TMEM131L: variants seen among roughly 807,000 people sequenced by gnomAD.
TMEM131L encodes the protein transmembrane 131 like.
Under a neutral mutation model 192.2 loss-of-function variants are expected in TMEM131L, and 54 were observed. That is an observed-to-expected ratio of 0.28 (90% CI 0.23 to 0.35). TMEM131L has a LOEUF of 0.35. TMEM131L is among the 10% of genes least tolerant of loss of function. The pLI is 1.00. For missense variants in TMEM131L, 1,888 were observed against 1,972.9 expected (o/e 0.96, Z 0.82); for synonymous variants, 701 against 704.9 (o/e 0.99, Z 0.09).
chr4:153,573,321 G>A (rs1490130132), intron 7 of TMEM131L, among the ~76,000 whole-genome samples: 7 of 152,224 alleles, frequency 4.6e-5, no homozygotes, highest in Non-Finnish European at 8.8e-5. Context: ...GTCAAGCGAC[G>A]GCAGCCTGCA....
At chr4:153,614,748 A>G (rs537457473) in intron 26 of TMEM131L, among the ~76,000 whole-genome samples, 2 of 152,292 alleles carry the variant, frequency 1.3e-5, no homozygotes, top group African/African-American at 4.8e-5. Flanking sequence ...GAGAGGGAAG[A>G]AGTGGATACC....
chr4:153,612,352 A>G lies in TMEM131L; in HGVS notation c.3519A>G (p.Thr1173=), dbSNP rs369183132. 2 of 1,599,574 alleles carry G rather than the reference A, an allele frequency of 1.3e-6. No individual in the cohort carries two copies. The highest frequency in any genetic ancestry group is 1.7e-6 in the Non-Finnish European group (2 of 1,175,708). The change falls in exon 26 of 35, where the codon ACA becomes ACG. Residue 1173 remains threonine (T), a synonymous_variant. Coordinates refer to ENST00000409959, the MANE Select transcript of TMEM131L (RefSeq NM_001131007.2). ...KPSSEKKIHK[T]SREDMFSEKQ... ...CTTCAGAAAAGAAGATTCACAAAACATCTAGAGAAGACATGTTTTCTGAGA... is the reference window on the plus strand; with the variant it reads ...CTTCAGAAAAGAAGATTCACAAAACGTCTAGAGAAGACATGTTTTCTGAGA...
chr4:153,480,963 C>T (rs559018071), intron 3 of TMEM131L, among the ~76,000 whole-genome samples: 13 of 152,302 alleles, frequency 8.5e-5, no homozygotes, highest in South Asian at 4.2e-4. Context: ...GTTCTCCTCA[C>T]GTCCATTTGT....
chr4:153,619,051 G>A (rs1252305715), intron 26 of TMEM131L, among the ~76,000 whole-genome samples: 2 of 152,096 alleles, frequency 1.3e-5, no homozygotes, highest in Non-Finnish European at 2.9e-5. Context: ...TGATGCTTCT[G>A]GTCACCGAGT....
In TMEM131L at chr4:153,603,834, G is replaced by A. The variant is rs1311986375; in HGVS notation, c.2822G>A (p.Gly941Asp). 1.2e-6 allele frequency: 2 copies of A among 1,606,576 alleles called. No individual in the cohort carries two copies. Among genetic ancestry groups the A allele is most frequent in the Non-Finnish European group, 1.7e-6 (2 of 1,177,768 alleles). The change falls in exon 25 of 35, where the codon GGC becomes GAC. Residue 941 changes from glycine to aspartate, a missense_variant. Physicochemically the swap from Gly to Asp is moderately conservative, Grantham distance 94. Transcript: ENST00000409959. The part of the protein sequence containing the change: ...SNCKNFLDTY[G>D]PSDKGRGKNC... ...TGCAAGAACTTTCTCGATACATATG[G>A]CCCCTCTGATAAAGGCAGGGGGAAG...
intron 7 of TMEM131L, among the ~76,000 whole-genome samples, chr4:153,575,622 TA>T: frequency 6.6e-6 from 1 of 152,210 alleles, no homozygotes; most frequent in East Asian, 1.9e-4. Flanking sequence ...GATAATACTT[TA>T]TATGAAATAA....
chr4:153,635,126 T>C (rs1030456917), intron 33 of TMEM131L, among the ~76,000 whole-genome samples: 5 of 152,204 alleles, frequency 3.3e-5, no homozygotes, highest in African/African-American at 1.2e-4. Flanking sequence ...CTTGACACTA[T>C]TTAGATATCT....
At chr4:153,617,246 G>T (rs903320629) in intron 26 of TMEM131L, among the ~76,000 whole-genome samples, 2 of 152,170 alleles carry the variant, frequency 1.3e-5, no homozygotes, top group Non-Finnish European at 2.9e-5. Flanking sequence ...TTCACCTTCT[G>T]CCATGATTGT....
At chr4:153,474,500 G>A (rs1321627712) in intron 3 of TMEM131L, among the ~76,000 whole-genome samples, 1 of 152,200 alleles carries the variant, frequency 6.6e-6, no homozygotes, top group Non-Finnish European at 1.5e-5. Flanking sequence ...GTGGTTTGTA[G>A]GATGGTGAGA....
Position 153,622,936 on chromosome 4 carries a change from A to G in TMEM131L, c.3898A>G (p.Lys1300Glu), listed in dbSNP as rs767881242. The stretch of plus-strand genomic sequence containing the variant: ...GAAGCCTGAGAAGAAATGTGTGGAC[A>G]AGTTCTGCTCCGATTCCAGCTCTGA... The part of the protein sequence containing the change: ...YQKPEKKCVD[K>E]FCSDSSSDCG... The change falls in exon 29 of 35, where the codon AAG becomes GAG. Residue 1300 changes from lysine to glutamate, a missense_variant. By Grantham distance (56) the Lys-to-Glu change is moderately conservative. Coordinates refer to ENST00000409959, the MANE Select transcript of TMEM131L (RefSeq NM_001131007.2). 2 of 1,614,238 alleles carry G rather than the reference A, an allele frequency of 1.2e-6. No homozygotes were observed. Among genetic ancestry groups the G allele is most frequent in the Middle Eastern group, 1.6e-4 (1 of 6,062 alleles).
In TMEM131L at chr4:153,545,290, C is replaced by CTTTTTTTTTTTTTTTTT. The variant is rs59852943; in HGVS notation, c.240-4768_240-4767insTTTTTTTTTTTTTTTTT. 1.1e-3 allele frequency among the ~76,000 whole-genome samples: 143 copies of CTTTTTTTTTTTTTTTTT among 132,290 alleles called. 8 individuals carry two copies. Among genetic ancestry groups the CTTTTTTTTTTTTTTTTT allele is most frequent in the East Asian group, 5.8e-3 (23 of 3,942 alleles). The allele number at this position is 132,290 out of a possible 152,430, so 86.8% of individuals were successfully genotyped here. On this transcript the variant is annotated intron_variant, in intron 3 of 34. Coordinates refer to ENST00000409959, the MANE Select transcript of TMEM131L (RefSeq NM_001131007.2). ...CTCTTGTATCAGCCACTTTTTCAAA[C>CTTTTTTTTTTTTTTTTT]TTTTTTTTTTTTTTTGAGATGGAGT...
At chr4:153,584,987 C>A in intron 12 of TMEM131L, 56 bp downstream of exon 12, 1 of 1,320,612 alleles carries the variant, frequency 7.6e-7, no homozygotes, top group East Asian at 2.3e-5. Flanking sequence ...TTGTTTTCCC[C>A]TCTAGAAATG....
In TMEM131L at chr4:153,632,740, G is replaced by A. The variant is rs1367666624; in HGVS notation, c.4230G>A (p.Leu1410=). The A allele has an allele frequency of 1.2e-6, 2 of 1,614,096 alleles. No individual in the cohort carries two copies. Among genetic ancestry groups the A allele is most frequent in the Middle Eastern group, 1.6e-4 (1 of 6,062 alleles). ...TAGGTCTTTACTCACCTGGAGACCT[G>A]TGGCCCACTCCGCCAGTGTGTGTGA... The part of the protein sequence containing the change: ...EDKGLYSPGD[L]WPTPPVCVTS... Residue 1410 remains leucine, a synonymous_variant, in exon 32 of 35, where the codon CTG becomes CTA. Coordinates refer to ENST00000409959, the MANE Select transcript of TMEM131L (RefSeq NM_001131007.2).
chr4:153,550,801 T>C (rs1452877893), intron 4 of TMEM131L, among the ~76,000 whole-genome samples: 2 of 152,236 alleles, frequency 1.3e-5, no homozygotes, highest in African/African-American at 4.8e-5. Context: ...CTTCTTGCTG[T>C]GCCTTCTGGA....
At position 153,613,792 on chromosome 4, in the gene TMEM131L, C is replaced by CT. The variant is rs771248162; in HGVS notation, c.3567+1393dup. 5.9e-5 allele frequency among the ~76,000 whole-genome samples: 9 copies of CT among 152,244 alleles called. No homozygotes were observed. The East Asian group carries it at 1.7e-3, about 29-fold the overall frequency. On this transcript the variant is annotated intron_variant, in intron 26 of 34. Coordinates refer to ENST00000409959, the MANE Select transcript of TMEM131L (RefSeq NM_001131007.2). ...AATTAATGGGAGACCCTAGTTATTT[C>CT]TGAGTGGTGGGATTTTGGATTATTT... is the stretch of plus-strand genomic sequence containing the variant.
intron 3 of TMEM131L, among the ~76,000 whole-genome samples, chr4:153,489,361 G>T (rs1219412772): frequency 1.3e-5 from 2 of 152,160 alleles, no homozygotes; most frequent in African/African-American, 4.8e-5. Flanking sequence ...TTTCTTCCCA[G>T]CTCATTGAAC....
At chr4:153,581,335 T>G (rs1216034930) in intron 8 of TMEM131L, 72 bp from the exon 9 acceptor site, 3 of 1,248,878 alleles carry the variant, frequency 2.4e-6, no homozygotes, top group Non-Finnish European at 2.2e-6. Context: ...GCTTCTCCTT[T>G]CCTCCATAGT....
intron 12 of TMEM131L, 120 bp downstream of exon 12, chr4:153,585,051 C>T: frequency 2.6e-6 from 2 of 760,612 alleles, no homozygotes; most frequent in Non-Finnish European, 4.4e-6. Context: ...CTGGCCTTGC[C>T]TCCCCTTGCC....
chr4:153,611,253 G>T (rs1239614112), intron 25 of TMEM131L, among the ~76,000 whole-genome samples: 1 of 152,198 alleles, frequency 6.6e-6, no homozygotes, highest in Non-Finnish European at 1.5e-5. Context: ...CTTTACGTTT[G>T]TATCTGTTCT....
Sources: gnomAD v4.1 joint callset for allele counts (sites outside exome capture counted in the v4.1 genomes callset) on GRCh38, gnomAD v4.1.1 for gene constraint, MANE v1.5 for transcripts, NCBI Gene and HGNC (gene_info 2026-07-23, HGNC 2026-07-21) for gene names.